Variants in RASA2 observed in about 807,000 individuals in gnomAD.
RASA2 encodes the protein RAS p21 protein activator 2.
Under a neutral mutation model 118.2 loss-of-function variants are expected in RASA2, and 155 were observed. The ratio of observed to expected loss-of-function variants is 1.31; its 90% CI spans 1.15 to 1.50. The LOEUF (loss-of-function observed/expected upper bound fraction) is 1.50, where lower values mean the gene tolerates loss of function less well. Ranked by LOEUF, RASA2 falls within the 40% of genes most tolerant of loss-of-function variation. RASA2 has a pLI of 0.00. For synonymous variants in RASA2, 353 were observed against 349.1 expected, an observed-to-expected ratio of 1.01 and a Z score of -0.12; for missense variants, 1,016 against 1,009.6, an observed-to-expected ratio of 1.01 and a Z score of -0.09.
At chr3:141,597,751 A>G (rs570150299) in intron 19 of RASA2, among the ~76,000 whole-genome samples, 3 of 152,346 alleles carry the variant, frequency 2.0e-5, no homozygotes, top group Non-Finnish European at 4.4e-5. Context: ...GAGTACAATC[A>G]GTGAAATAGG....
chr3:141,602,378 T>C (rs1408810639), intron 19 of RASA2, among the ~76,000 whole-genome samples: 1 of 152,184 alleles, frequency 6.6e-6, no homozygotes, highest in Non-Finnish European at 1.5e-5. Context: ...TGTTGCATGC[T>C]CGTTTCACAA....
rs145252673 is a variant in RASA2, at chr3:141,582,077, A to G, written c.1752+900A>G. ...CTGTATTTTATGTATCACAGTCTTA[A>G]CTTAATGAATCCAAATTAGCAAAGC... is the stretch of plus-strand genomic sequence containing the variant. On this transcript the variant is annotated intron_variant, in intron 17 of 23. Transcript: ENST00000286364. 3.4e-4 allele frequency among the ~76,000 whole-genome samples: 52 copies of G among 152,350 alleles called. No homozygotes were observed. In the South Asian group the frequency reaches 7.2e-3, roughly 21 times the overall value.
intron 4 of RASA2, among the ~76,000 whole-genome samples, chr3:141,535,745 A>G (rs1002237392): frequency 1.3e-5 from 2 of 152,126 alleles, no homozygotes; most frequent in African/African-American, 4.8e-5. Context: ...CTCTTAAACA[A>G]CTAGATCTCA....
chr3:141,546,953 C>T lies in RASA2; in HGVS notation c.527+6344C>T, dbSNP rs185927571. ...TTCCCAGCACCATTTATTGAAGAAA[C>T]TGTCCTTTCCCCAGTGTATGTTCTT... On this transcript the variant is annotated intron_variant, in intron 5 of 23. Coordinates refer to ENST00000286364, the MANE Select transcript of RASA2 (RefSeq NM_006506.5). Among the ~76,000 whole-genome samples, 62 of 152,220 alleles carry T rather than the reference C, an allele frequency of 4.1e-4. 1 individual carries two copies. Among genetic ancestry groups the T allele is most frequent in the Admixed American group, 1.6e-3 (24 of 15,302 alleles).
chr3:141,538,158 A>G (rs1577701971), intron 4 of RASA2, among the ~76,000 whole-genome samples: 1 of 152,152 alleles, frequency 6.6e-6, no homozygotes, highest in East Asian at 1.9e-4. Context: ...ATTCAAATCT[A>G]TTAAATGATT....
At chr3:141,589,814 C>G (rs1399873651) in intron 19 of RASA2, among the ~76,000 whole-genome samples, 1 of 151,162 alleles carries the variant, frequency 6.6e-6, no homozygotes, top group Non-Finnish European at 1.5e-5. Context: ...GCATTCCAGC[C>G]TGGGTAACAG....
chr3:141,487,078 G>A lies in RASA2; in HGVS notation c.-6G>A, dbSNP rs773040715. 2.1e-4 allele frequency: 284 copies of A among 1,337,574 alleles called. 1 individual carries two copies. The highest frequency in any genetic ancestry group is 1.2e-3 in the Middle Eastern group (4 of 3,478). The allele number at this position is 1,337,574 out of a possible 1,614,324, so 82.9% of individuals were successfully genotyped here. ...GGCAGGGCTGCGGCACGGGCCGGGC[G>A]GCACCATGGCGGCGGCGGCGCCTGC... On this transcript the variant is annotated 5_prime_UTR_variant, in exon 1 of 24. Coordinates refer to ENST00000286364, the MANE Select transcript of RASA2 (RefSeq NM_006506.5).
intron 5 of RASA2, among the ~76,000 whole-genome samples, chr3:141,541,586 T>C (rs2082405546): frequency 6.6e-6 from 1 of 152,100 alleles, no homozygotes; most frequent in Non-Finnish European, 1.5e-5. Flanking sequence ...ACAATACTTT[T>C]TAAAAATCTA....
chr3:141,589,621 T>TC (rs1359743051), intron 19 of RASA2, among the ~76,000 whole-genome samples: 1 of 152,048 alleles, frequency 6.6e-6, no homozygotes, highest in African/African-American at 2.4e-5. Context: ...GGCAGGCGGA[T>TC]CATGAGGCCA....
At chr3:141,510,653 T>C (rs2081937266) in intron 1 of RASA2, among the ~76,000 whole-genome samples, 1 of 152,232 alleles carries the variant, frequency 6.6e-6, no homozygotes, top group South Asian at 2.1e-4. Context: ...GTTAGTGATA[T>C]TTGAGCTGAG....
intron 22 of RASA2, 45 bp downstream of exon 22, chr3:141,609,568 C>A: frequency 2.9e-6 from 4 of 1,378,186 alleles, no homozygotes; most frequent in Non-Finnish European, 3.0e-6. Flanking sequence ...CTTTCATTAC[C>A]AATTCCTAAA....
At chr3:141,569,936 C>G (rs1198681792) in intron 9 of RASA2, among the ~76,000 whole-genome samples, 2 of 152,136 alleles carry the variant, frequency 1.3e-5, no homozygotes, top group African/African-American at 4.8e-5. Flanking sequence ...CCTCCAGCAG[C>G]ATCCATGTTA....
intron 1 of RASA2, among the ~76,000 whole-genome samples, chr3:141,489,965 CTTT>C (rs768242549): frequency 5.3e-5 from 7 of 130,974 alleles, no homozygotes; most frequent in Non-Finnish European, 3.3e-5. Context: ...CTTGAGTGTA[CTTT>C]TTTTTTTTTT....
At chr3:141,521,712 G>A (rs560518351) in intron 3 of RASA2, among the ~76,000 whole-genome samples, 7 of 152,150 alleles carry the variant, frequency 4.6e-5, no homozygotes, top group African/African-American at 1.7e-4. Flanking sequence ...TTTCTTAAAT[G>A]TTTATTCTTT....
At chr3:141,526,036 G>A (rs1400842596) in intron 3 of RASA2, 1 of 152,138 alleles carries the variant, frequency 6.6e-6, no homozygotes, top group African/African-American at 2.4e-5. Flanking sequence ...GTTTGTGTTG[G>A]AAGGAGCACA....
chr3:141,581,321 T>C, intron 17 of RASA2, 144 bp downstream of exon 17: 3 of 682,452 alleles, frequency 4.4e-6, no homozygotes, highest in Non-Finnish European at 6.1e-6. Flanking sequence ...TTTTCTTTTT[T>C]CTTCTTCCAC....
rs565597059 is a variant in RASA2 at position 141,538,410 on chromosome 3, A to C, written c.451-2123A>C. ...TTTAAAATCTAGAGCAAAAAAGCAA[A>C]GAAAATCTTCTGAAATTTCACCAAC... is the stretch of plus-strand genomic sequence containing the variant. On this transcript the variant is annotated intron_variant, in intron 4 of 23. Coordinates refer to ENST00000286364, the MANE Select transcript of RASA2 (RefSeq NM_006506.5). 4.6e-5 allele frequency among the ~76,000 whole-genome samples: 7 copies of C among 152,290 alleles called. No homozygotes were observed. In the South Asian group the frequency reaches 1.4e-3, roughly 32 times the overall value.
intron 19 of RASA2, among the ~76,000 whole-genome samples, chr3:141,587,362 G>A (rs375990000): frequency 6.6e-6 from 1 of 152,224 alleles, no homozygotes; most frequent in Non-Finnish European, 1.5e-5. Context: ...TTATCCTTCA[G>A]TAGACTGACA....
chr3:141,607,760 T>C lies in RASA2; in HGVS notation c.2016T>C (p.Asn672=), dbSNP rs295322. 138,653 of 1,573,360 alleles carry C rather than the reference T, an allele frequency of 0.088. 9,121 individuals carry two copies. Among genetic ancestry groups the C allele is most frequent in the Admixed American group, 0.27 (14,554 of 53,148 alleles). Reference sequence around the variant, plus strand: ...AAGAGAGCTCTTTCAACAAGAAAAATGTAAGTTATGTAAATAAATATTTAA... The same window carrying C: ...AAGAGAGCTCTTTCAACAAGAAAAACGTAAGTTATGTAAATAAATATTTAA... ...KLEESSFNKK[N]MFQVIHTEKP... Residue 672 remains asparagine, a splice_region_variant and synonymous_variant, in exon 20 of 24, where the codon AAT becomes AAC. Transcript: ENST00000286364.
Sources: allele counts gnomAD v4.1 joint callset (sites outside exome capture counted in the v4.1 genomes callset), GRCh38; gene constraint gnomAD v4.1.1; transcripts MANE v1.5; gene names NCBI Gene and HGNC (gene_info 2026-07-23, HGNC 2026-07-21).